The following KAT2A variants were observed in gnomAD, a reference collection of about 807,000 sequenced individuals.
KAT2A encodes the protein lysine acetyltransferase 2A, also known as histone acetyltransferase KAT2A.
KAT2A carries 42 observed loss-of-function variants against 95.2 expected under a neutral mutation model. The observed-to-expected ratio is 0.44, with a 90% CI of 0.34 to 0.57. The LOEUF (loss-of-function observed/expected upper bound fraction) is 0.57. KAT2A is among the 20% of genes least tolerant of loss of function. The pLI is 0.01. For synonymous variants in KAT2A, 449 were observed against 448.2 expected, an observed-to-expected ratio of 1.00 and a Z score of -0.02; for missense variants, 784 against 1,126.3, an observed-to-expected ratio of 0.70 and a Z score of 4.35.
At position 42,114,702 on chromosome 17, in the gene KAT2A, A is replaced by G; in HGVS notation, c.2020-98T>C. 1.6e-6 allele frequency: 2 copies of G among 1,219,768 alleles called. No individual in the cohort carries two copies. The highest frequency in any genetic ancestry group is 1.2e-6 in the Non-Finnish European group (1 of 847,024). 75.6% of individuals were successfully genotyped at this position (1,219,768 alleles called of 1,614,324 possible). A position where few individuals can be genotyped will look rare whatever the true frequency, so the allele number is the denominator to read the frequency against. On this transcript the variant is annotated intron_variant, in intron 13 of 17. Transcript: ENST00000225916. This position sits in a 1 kb window ranked among gnomAD's most constrained non-coding sequence, Gnocchi z 6.0. ...CACTGGCTGCACCCACCCAGCTGCA[A>G]CGCCACCTAATCCAGCACCTCCCCT...
Position 42,117,168 on chromosome 17 carries a change from G to C in KAT2A, c.1638-7C>G. ...GGCCAGAGTCTTGTGCTTCCTAAGA[G>C]AGAGGGGGGCATGTCATAGCCCCTG... On this transcript the variant is annotated splice_region_variant and splice_polypyrimidine_tract_variant and intron_variant, in intron 10 of 17. Transcript: ENST00000225916. This position sits in a 1 kb window ranked among gnomAD's most constrained non-coding sequence, Gnocchi z 8.9. The C allele has an allele frequency of 6.2e-7, 1 of 1,613,860 alleles. No homozygotes were observed. The highest frequency in any genetic ancestry group is 8.5e-7 in the Non-Finnish European group (1 of 1,180,000).
chr17:42,119,224 G>A lies in KAT2A; in HGVS notation c.1073+21C>T, dbSNP rs1555666749. 4 of 1,582,014 alleles carry A rather than the reference G, an allele frequency of 2.5e-6. No individual in the cohort carries two copies. In the East Asian group the frequency reaches 9.0e-5, roughly 36 times the overall value. On this transcript the variant is annotated intron_variant, in intron 6 of 17. Transcript: ENST00000225916. The surrounding 1 kb of genome is among the most constrained non-coding windows in gnomAD (Gnocchi z 5.3). ...GATGTGAACTTGGGGCCAAATCCTG[G>A]TAGGCCAGAAGGAGCCTTACTTGGG...
In KAT2A at chr17:42,114,875, G is replaced by C. The variant is rs781925796; in HGVS notation, c.2019+17C>G. ...CATTCATGAAAAATCCCACAGATGC[G>C]CATGTGTGCACACCACCTCTTTCTG... On this transcript the variant is annotated intron_variant, in intron 13 of 17. Coordinates refer to ENST00000225916, the MANE Select transcript of KAT2A (RefSeq NM_021078.3). This position sits in a 1 kb window ranked among gnomAD's most constrained non-coding sequence, Gnocchi z 6.0. 3.1e-6 allele frequency: 5 copies of C among 1,613,302 alleles called. No individual in the cohort carries two copies. Among genetic ancestry groups the C allele is most frequent in the East Asian group, 2.2e-5 (1 of 44,870 alleles).
Position 42,120,947 on chromosome 17 carries a change from C to T in KAT2A, c.339+19G>A, listed in dbSNP as rs782485237. 1 of 1,553,412 alleles carries T rather than the reference C, an allele frequency of 6.4e-7. No individual in the cohort carries two copies. The highest frequency in any genetic ancestry group is 8.7e-7 in the Non-Finnish European group (1 of 1,146,626). ...GGATGCCCCAAGCCCCGCCCCTTCA[C>T]CCCAGGCCCCGCCCCCACCTTGCAA... On this transcript the variant is annotated intron_variant, in intron 1 of 17. Coordinates refer to ENST00000225916, the MANE Select transcript of KAT2A (RefSeq NM_021078.3).
Position 42,114,353 on chromosome 17 carries a change from C to T in KAT2A, c.2171+5G>A, listed in dbSNP as rs1356322080. ...CACCCCCAACCCGGCTCCTTTGACA[C>T]TCACCCCTTCTCCTTCCCCAATGGC... is the stretch of plus-strand genomic sequence containing the variant. On this transcript the variant is annotated splice_donor_5th_base_variant and intron_variant, in intron 15 of 17. Coordinates refer to ENST00000225916, the MANE Select transcript of KAT2A (RefSeq NM_021078.3). This position sits in a 1 kb window ranked among gnomAD's most constrained non-coding sequence, Gnocchi z 6.0. 1.9e-6 allele frequency: 3 copies of T among 1,614,034 alleles called. No individual in the cohort carries two copies. The highest frequency in any genetic ancestry group is 2.5e-6 in the Non-Finnish European group (3 of 1,179,958).
intron 6 of KAT2A, 113 bp from the exon 7 acceptor site, chr17:42,118,516 G>T: frequency 1.4e-6 from 1 of 730,822 alleles, no homozygotes; most frequent in South Asian, 1.6e-5. Flanking sequence ...TAGGGAACTG[G>T]GGACCTGAGA....
Position 42,114,762 on chromosome 17 carries a change from G to C in KAT2A, c.2019+130C>G. 1 of 1,226,090 alleles carries C rather than the reference G, an allele frequency of 8.2e-7. No individual in the cohort carries two copies. The highest frequency in any genetic ancestry group is 1.2e-6 in the Non-Finnish European group (1 of 851,932). The allele number at this position is 1,226,090 out of a possible 1,614,324, so 76.0% of individuals were successfully genotyped here. A position where few individuals can be genotyped will look rare whatever the true frequency, so the allele number is the denominator to read the frequency against. ...CCCAAGGGAGCAGAGCAAGAGCCAAGATCCTGGCCTGCCCCTCCTCACTCA... is the reference window on the plus strand; with the variant it reads ...CCCAAGGGAGCAGAGCAAGAGCCAACATCCTGGCCTGCCCCTCCTCACTCA... On this transcript the variant is annotated intron_variant, in intron 13 of 17. Coordinates refer to ENST00000225916, the MANE Select transcript of KAT2A (RefSeq NM_021078.3). The surrounding 1 kb of genome is among the most constrained non-coding windows in gnomAD (Gnocchi z 6.0).
rs8072215 is a variant in KAT2A, at chr17:42,119,952, A to G, written c.699+78T>C. On this transcript the variant is annotated intron_variant, in intron 4 of 17. Coordinates refer to ENST00000225916, the MANE Select transcript of KAT2A (RefSeq NM_021078.3). This position sits in a 1 kb window ranked among gnomAD's most constrained non-coding sequence, Gnocchi z 5.3. ...TCCCCAGTGTTCTCAGCTTGAGGAG[A>G]ATGGAGAACACAGGCTCCCCACTCC... 0.26 allele frequency: 339,174 copies of G among 1,286,216 alleles called. 55,870 individuals carry two copies. Among genetic ancestry groups the G allele is most frequent in the African/African-American group, 0.79 (53,992 of 68,320 alleles). The allele number at this position is 1,286,216 out of a possible 1,614,324, so 79.7% of individuals were successfully genotyped here. A position where few individuals can be genotyped will look rare whatever the true frequency, so the allele number is the denominator to read the frequency against.
chr17:42,118,879 G>A (rs781794233), intron 6 of KAT2A, among the ~76,000 whole-genome samples: 2 of 152,242 alleles, frequency 1.3e-5, no homozygotes, highest in African/African-American at 2.4e-5. Flanking sequence ...AAATGGTACA[G>A]AAAAGACCAG....
intron 12 of KAT2A, among the ~76,000 whole-genome samples, chr17:42,115,518 C>T (rs1477756614): frequency 2.0e-5 from 3 of 151,408 alleles, no homozygotes; most frequent in Admixed American, 6.6e-5. Context: ...CCAGTTCCTC[C>T]GGCCTGCTCT....
At chr17:42,118,646 T>A (rs373288299) in intron 6 of KAT2A, among the ~76,000 whole-genome samples, 1 of 152,184 alleles carries the variant, frequency 6.6e-6, no homozygotes, top group Non-Finnish European at 1.5e-5. Flanking sequence ...GAGACAGGTC[T>A]GAGCTGATGT....
At position 42,114,610 on chromosome 17, in the gene KAT2A, G is replaced by A; in HGVS notation, c.2020-6C>T. On this transcript the variant is annotated splice_polypyrimidine_tract_variant and splice_region_variant and intron_variant, in intron 13 of 17. Transcript: ENST00000225916. The surrounding 1 kb of genome is among the most constrained non-coding windows in gnomAD (Gnocchi z 6.0). The stretch of plus-strand genomic sequence containing the variant: ...TCAATCAGCTTCTTGATGATCTGAG[G>A]GAAGGAAGGGACTGAGGGGCCAACT... 1 of 1,611,198 alleles carries A rather than the reference G, an allele frequency of 6.2e-7. No individual in the cohort carries two copies. The highest frequency in any genetic ancestry group is 8.5e-7 in the Non-Finnish European group (1 of 1,178,530).
At position 42,114,216 on chromosome 17, in the gene KAT2A, CA is replaced by C; in HGVS notation, c.2235+2del. 1 of 1,595,044 alleles carries C rather than the reference CA, an allele frequency of 6.3e-7. No individual in the cohort carries two copies. Among genetic ancestry groups the C allele is most frequent in the Non-Finnish European group, 8.6e-7 (1 of 1,169,532 alleles). On this transcript the variant is annotated splice_donor_variant, in intron 16 of 17. Transcript: ENST00000225916. LOFTEE classifies it high-confidence loss of function. This position sits in a 1 kb window ranked among gnomAD's most constrained non-coding sequence, Gnocchi z 6.0. ...CCCTGGAAAGGAAACCTGGTCTCCC[CA>C]CCTTGATTTGGGCCAGCAGGTTTTT...
rs1555667053 is a variant in KAT2A at position 42,120,379 on chromosome 17, C to A, written c.464-9G>T. 1.2e-6 allele frequency: 2 copies of A among 1,614,082 alleles called. No individual in the cohort carries two copies. The highest frequency in any genetic ancestry group is 4.5e-5 in the East Asian group (2 of 44,882). On this transcript the variant is annotated splice_polypyrimidine_tract_variant and intron_variant, in intron 2 of 17. Transcript: ENST00000225916. Reference sequence around the variant, plus strand: ...GTGGGATACGTGGTCAGCTGCAAGACAGATGGCAGAGTTAGGAAAAATTGA... The same window carrying A: ...GTGGGATACGTGGTCAGCTGCAAGAAAGATGGCAGAGTTAGGAAAAATTGA...
chr17:42,114,017 A>C lies in KAT2A; in HGVS notation c.2303T>G (p.Val768Gly). Residue 768 changes from valine (V) to glycine (G), a missense_variant, in exon 17 of 18, where the codon GTC becomes GGC. By Grantham distance (109) the Val-to-Gly change is moderately radical. This residue lies in a region of KAT2A where 195 missense variants were observed against 247.1 expected (regional missense o/e 0.79). Transcript: ENST00000225916. This position sits in a 1 kb window ranked among gnomAD's most constrained non-coding sequence, Gnocchi z 6.0. ...GTCCTCACCAATGGGGAAGCGGATGACCTCGTAGTAGTCAGGGGCCTCCGA... is the reference window on the plus strand; with the variant it reads ...GTCCTCACCAATGGGGAAGCGGATGCCCTCGTAGTAGTCAGGGGCCTCCGA... ...KKSEAPDYYEVIRFPIDLKTM... is the reference protein window; with the variant it reads ...KKSEAPDYYEGIRFPIDLKTM... 4 of 1,516,502 alleles carry C rather than the reference A, an allele frequency of 2.6e-6. No individual in the cohort carries two copies. The highest frequency in any genetic ancestry group is 3.5e-6 in the Non-Finnish European group (4 of 1,137,468). The allele number at this position is 1,516,502 out of a possible 1,614,324, so 93.9% of individuals were successfully genotyped here.
Position 42,114,742 on chromosome 17 carries a change from G to A in KAT2A, c.2020-138C>T, listed in dbSNP as rs1555665620. ...GCACCTCCCCTCATAACTTCCCCAAGGGAGCAGAGCAAGAGCCAAGATCCT... is the reference window on the plus strand; with the variant it reads ...GCACCTCCCCTCATAACTTCCCCAAAGGAGCAGAGCAAGAGCCAAGATCCT... On this transcript the variant is annotated intron_variant, in intron 13 of 17. Transcript: ENST00000225916. This position sits in a 1 kb window ranked among gnomAD's most constrained non-coding sequence, Gnocchi z 6.0. The A allele has an allele frequency of 1.7e-6, 2 of 1,181,494 alleles. No homozygotes were observed. 73.2% of individuals were successfully genotyped at this position (1,181,494 alleles called of 1,614,324 possible). A position where few individuals can be genotyped will look rare whatever the true frequency, so the allele number is the denominator to read the frequency against.
At chr17:42,116,539 G>A (rs369914154) in intron 11 of KAT2A, among the ~76,000 whole-genome samples, 2 of 149,996 alleles carry the variant, frequency 1.3e-5, no homozygotes, top group African/African-American at 4.9e-5. Flanking sequence ...GTGAAACCCT[G>A]CAACATGGTG....
In KAT2A at chr17:42,121,271, G is replaced by C; in HGVS notation, c.34C>G (p.Pro12Ala). ...AEPSQAPTPA[P>A]AAQPRPLQSP... ...TGAAGGGGCCGGGGCTGCGCAGCCG[G>C]GGCCGGGGTCGGGGCCTGGGAAGGT... Residue 12 changes from proline (P) to alanine (A), a missense_variant, in exon 1 of 18, where the codon CCG becomes GCG. Physicochemically the swap from Pro to Ala is conservative, Grantham distance 27. Transcript: ENST00000225916. 7.3e-7 allele frequency: 1 copy of C among 1,371,650 alleles called. No individual in the cohort carries two copies. The highest frequency in any genetic ancestry group is 9.4e-7 in the Non-Finnish European group (1 of 1,066,844). 85.0% of individuals were successfully genotyped at this position (1,371,650 alleles called of 1,614,324 possible).
At position 42,114,396 on chromosome 17, in the gene KAT2A, T is replaced by G. The variant is rs1568009468; in HGVS notation, c.2135-2A>C. On this transcript the variant is annotated splice_acceptor_variant, in intron 14 of 17. Transcript: ENST00000225916. LOFTEE classifies it high-confidence loss of function. The surrounding 1 kb of genome is among the most constrained non-coding windows in gnomAD (Gnocchi z 6.0). ...CCAATGGCTTCCAGCCTGTCTCTCC[T>G]GCAAAGTGGGAAGTGGGAGAATGTC... The G allele has an allele frequency of 6.2e-7, 1 of 1,614,014 alleles. No homozygotes were observed. The highest frequency in any genetic ancestry group is 1.7e-5 in the Admixed American group (1 of 60,016).
Sources: gnomAD v4.1 joint callset for allele counts (sites outside exome capture counted in the v4.1 genomes callset) on GRCh38, gnomAD v4.1.1 for gene constraint, gnomAD v4.1.1 regional missense constraint, Gnocchi (gnomAD v3.1) non-coding constraint, MANE v1.5 for transcripts, NCBI Gene and HGNC (gene_info 2026-07-23, HGNC 2026-07-21) for gene names.